The following PEPD variants were observed in gnomAD, a reference collection of about 807,000 sequenced individuals.
PEPD encodes xaa-Pro dipeptidase.
A neutral mutation model predicts 60.7 loss-of-function variants in PEPD; 53 were observed. The ratio of observed to expected loss-of-function variants is 0.87; its 90% CI spans 0.70 to 1.10. The LOEUF is 1.10. PEPD is among the 50% of genes least tolerant of loss of function. The pLI, the probability that PEPD is intolerant of heterozygous loss-of-function variation, is 0.00. For missense variants in PEPD, 711 were observed against 711.9 expected, an observed-to-expected ratio of 1.00 and a Z score of 0.01; for synonymous variants, 267 against 284.1, an observed-to-expected ratio of 0.94 and a Z score of 0.60.
intron 12 of PEPD, among the ~76,000 whole-genome samples, chr19:33,394,026 T>C (rs1431923295): frequency 1.3e-5 from 2 of 152,250 alleles, no homozygotes; most frequent in Non-Finnish European, 2.9e-5. Context: ...AGCCGTCCCC[T>C]GGACGGATCT....
chr19:33,468,433 C>T (rs1970059793), intron 7 of PEPD, among the ~76,000 whole-genome samples: 1 of 152,272 alleles, frequency 6.6e-6, no homozygotes, highest in Non-Finnish European at 1.5e-5. Flanking sequence ...CCTGCATCTC[C>T]TCTTCCTCCT....
intron 13 of PEPD, 91 bp downstream of exon 13, chr19:33,391,204 C>T: frequency 2.9e-6 from 3 of 1,043,060 alleles, no homozygotes; most frequent in Non-Finnish European, 4.4e-6. Flanking sequence ...CAATACACGC[C>T]TGCTGCCTCC....
At chr19:33,506,456 CCCA>C (rs1263700529) in intron 3 of PEPD, among the ~76,000 whole-genome samples, 3 of 146,668 alleles carry the variant, frequency 2.0e-5, no homozygotes, top group Middle Eastern at 3.6e-3. Flanking sequence ...CACACTCACA[CCCA>C]CCACACCCCA....
intron 4 of PEPD, among the ~76,000 whole-genome samples, chr19:33,498,817 G>A: frequency 6.6e-6 from 1 of 151,392 alleles, no homozygotes; most frequent in Admixed American, 6.6e-5. Context: ...CAGAGTCCTT[G>A]AGACAGGATC....
intron 12 of PEPD, among the ~76,000 whole-genome samples, chr19:33,392,339 C>T (rs143324677): frequency 1.8e-3 from 269 of 152,354 alleles, no homozygotes; most frequent in African/African-American, 6.1e-3. Context: ...CCTCAGCAGC[C>T]CACGGGTGCG....
chr19:33,514,603 G>C (rs1339829820), intron 1 of PEPD, among the ~76,000 whole-genome samples: 1 of 151,878 alleles, frequency 6.6e-6, no homozygotes, highest in Non-Finnish European at 1.5e-5. Context: ...TCCTCAGCAT[G>C]CACGCTGCCT....
chr19:33,435,983 G>A (rs530108872), intron 9 of PEPD, among the ~76,000 whole-genome samples: 1 of 152,318 alleles, frequency 6.6e-6, no homozygotes, highest in East Asian at 1.9e-4. Flanking sequence ...AGCTGCTGGA[G>A]GAGAATATGG....
At chr19:33,499,152 T>A (rs141695764) in intron 4 of PEPD, among the ~76,000 whole-genome samples, 2 of 152,274 alleles carry the variant, frequency 1.3e-5, no homozygotes, top group Admixed American at 6.5e-5. Flanking sequence ...CTATTTTAGA[T>A]CCTGTACTCA....
intron 6 of PEPD, among the ~76,000 whole-genome samples, chr19:33,489,745 C>T (rs954417946): frequency 1.3e-5 from 2 of 152,148 alleles, no homozygotes; most frequent in Admixed American, 1.3e-4. Context: ...GCCCTTGCCC[C>T]TGCCCCTGCC....
intron 1 of PEPD, among the ~76,000 whole-genome samples, chr19:33,516,233 C>T (rs1187465268): frequency 3.3e-5 from 5 of 152,146 alleles, no homozygotes; most frequent in African/African-American, 4.8e-5. Context: ...TCAACACAGA[C>T]GAATTCTTCC....
rs1970697871 is a variant in PEPD at position 33,500,944 on chromosome 19, T to TA, written c.386dup (p.Asp130ArgfsTer2). The TA allele has an allele frequency of 6.3e-7, 1 of 1,591,976 alleles. No homozygotes were observed. The highest frequency in any genetic ancestry group is 1.3e-5 in the African/African-American group (1 of 74,608). On this transcript the variant is annotated frameshift_variant, in exon 4 of 15. Transcript: ENST00000244137. LOFTEE classifies it high-confidence loss of function. ...GGAGGAGCCGGCTACCCACCTCATC[T>TA]ACGTACTGGACGTCGTCCACGGCAT...
At chr19:33,395,771 C>A (rs1484084889) in intron 12 of PEPD, among the ~76,000 whole-genome samples, 1 of 152,256 alleles carries the variant, frequency 6.6e-6, no homozygotes, top group African/African-American at 2.4e-5. Context: ...AAAGAGCGCA[C>A]TTCATCTGTG....
chr19:33,501,074 C>G, intron 3 of PEPD, 73 bp from the exon 4 acceptor site: 1 of 904,306 alleles, frequency 1.1e-6, no homozygotes. Context: ...TCCTGCCTGC[C>G]AAGCCCAGGC....
chr19:33,490,502 G>A (rs1970478946), intron 5 of PEPD, among the ~76,000 whole-genome samples: 2 of 152,192 alleles, frequency 1.3e-5, no homozygotes, highest in Admixed American at 1.3e-4. Context: ...CTGGGGAGGT[G>A]TGCAGGACCT....
chr19:33,438,418 A>C (rs1252845472), intron 9 of PEPD, among the ~76,000 whole-genome samples: 4 of 152,200 alleles, frequency 2.6e-5, no homozygotes, highest in African/African-American at 9.6e-5. Context: ...GCGGGACATC[A>C]AGAGAAGAGG....
In PEPD at chr19:33,464,036, A is replaced by G; in HGVS notation, c.575T>C (p.Leu192Pro). The change falls in exon 8 of 15, where the codon CTG becomes CCG. Residue 192 changes from leucine to proline, a missense_variant. By Grantham distance (98) the Leu-to-Pro change is moderately conservative. Coordinates refer to ENST00000244137, the MANE Select transcript of PEPD (RefSeq NM_000285.4). ...ECRVFKTDME[L>P]EVLRYTNKIS... ...TTTATTGGTATAGCGCAGAACCTCC[A>G]GCTCCATATCCGTCTTAAACACTCG... 1 of 1,613,504 alleles carries G rather than the reference A, an allele frequency of 6.2e-7. No individual in the cohort carries two copies. Among genetic ancestry groups the G allele is most frequent in the Non-Finnish European group, 8.5e-7 (1 of 1,179,536 alleles).
At chr19:33,495,323 G>A (rs1970582190) in intron 4 of PEPD, among the ~76,000 whole-genome samples, 1 of 148,804 alleles carries the variant, frequency 6.7e-6, no homozygotes, top group African/African-American at 2.5e-5. Flanking sequence ...CTGGCCAAAT[G>A]GTGAAACCCC....
intron 9 of PEPD, among the ~76,000 whole-genome samples, chr19:33,457,273 A>G (rs1969820795): frequency 6.6e-6 from 1 of 152,030 alleles, no homozygotes; most frequent in Non-Finnish European, 1.5e-5. Flanking sequence ...CTCTACGAAA[A>G]ATAAAAAATT....
chr19:33,412,273 G>C (rs771695757), intron 10 of PEPD, among the ~76,000 whole-genome samples: 3 of 152,188 alleles, frequency 2.0e-5, no homozygotes, highest in Non-Finnish European at 4.4e-5. Context: ...CCTGAGCCTG[G>C]GAAGTGGAGA....
Sources: allele counts gnomAD v4.1 joint callset (sites outside exome capture counted in the v4.1 genomes callset), GRCh38; gene constraint gnomAD v4.1.1; transcripts MANE v1.5; gene names NCBI Gene and HGNC (gene_info 2026-07-23, HGNC 2026-07-21).